The following YIPF4 variants were observed in gnomAD, a reference collection of about 807,000 sequenced individuals.
The protein encoded by YIPF4 is protein YIPF4.
YIPF4 carries 18 observed loss-of-function variants against 29.4 expected under a neutral mutation model. The observed-to-expected ratio is 0.61, with a 90% CI of 0.42 to 0.91. The LOEUF is 0.91. YIPF4 is among the 40% of genes least tolerant of loss of function. The probability of loss-of-function intolerance (pLI) is 0.00; values close to 1 mark genes in which losing one functional copy is unlikely to be tolerated. For missense variants in YIPF4, 279 were observed against 282.7 expected (o/e 0.99, Z 0.09); for synonymous variants, 115 against 104.7 (o/e 1.10, Z -0.60).
intron 5 of YIPF4, 45 bp downstream of exon 5, chr2:32,301,540 TC>T (rs1449771362): frequency 3.7e-6 from 5 of 1,348,640 alleles, no homozygotes; most frequent in Non-Finnish European, 5.3e-6. Flanking sequence ...TTTTCCAATG[TC>T]AAAAGTATAC....
At chr2:32,295,666 C>T (rs1276885394) in intron 3 of YIPF4, among the ~76,000 whole-genome samples, 1 of 152,122 alleles carries the variant, frequency 6.6e-6, no homozygotes, top group Non-Finnish European at 1.5e-5. Flanking sequence ...TGCAATGGCA[C>T]GATCTCAGCT....
chr2:32,298,770 G>A (rs919503063), intron 4 of YIPF4, among the ~76,000 whole-genome samples: 2 of 152,064 alleles, frequency 1.3e-5, no homozygotes, highest in African/African-American at 2.4e-5. Context: ...TGTTGGCCAG[G>A]CTGGTCTTGA....
intron 2 of YIPF4, 108 bp from the exon 3 acceptor site, chr2:32,292,069 C>A: frequency 1.5e-6 from 1 of 656,558 alleles, no homozygotes; most frequent in South Asian, 3.6e-5. Context: ...TTTTGTTGAC[C>A]TATGGAGATT....
chr2:32,278,454 C>T (rs573803533), intron 1 of YIPF4, among the ~76,000 whole-genome samples: 3 of 152,080 alleles, frequency 2.0e-5, no homozygotes, highest in East Asian at 1.9e-4. Context: ...ACTCGGTCAG[C>T]CCTTGGTTTT....
chr2:32,284,828 G>C (rs2030586824), intron 1 of YIPF4, among the ~76,000 whole-genome samples: 1 of 152,200 alleles, frequency 6.6e-6, no homozygotes, highest in African/African-American at 2.4e-5. Context: ...AGAGAAATGA[G>C]AGGCTTAGTG....
At position 32,307,271 on chromosome 2, in the gene YIPF4, A is replaced by G; in HGVS notation, c.*1645A>G. ...ATGGATTATAATATTTGACATTCAT[A>G]GTGTTGACCCTGGAATCTTTCACAG... On this transcript the variant is annotated 3_prime_UTR_variant, in exon 6 of 6. Coordinates refer to ENST00000238831, the MANE Select transcript of YIPF4 (RefSeq NM_032312.4). 1 of 559,110 alleles carries G rather than the reference A, an allele frequency of 1.8e-6. No homozygotes were observed. 34.6% of individuals were successfully genotyped at this position (559,110 alleles called of 1,614,324 possible).
rs867928806 is a variant in YIPF4 at position 32,278,166 on chromosome 2, C to G, written c.11C>G (p.Pro4Arg). Residue 4 changes from proline to arginine, a missense_variant, in exon 1 of 6, where the codon CCG (proline) becomes CGG (arginine). Physicochemically the swap from Pro to Arg is moderately radical, Grantham distance 103. Coordinates refer to ENST00000238831, the MANE Select transcript of YIPF4 (RefSeq NM_032312.4). ...GGGAGTCGCCGCGAGATGCAGCCTC[C>G]GGGCCCGCCCCCGGCCTATGCCCCC... MQP[P>R]GPPPAYAPTN... 20 of 1,564,650 alleles carry G rather than the reference C, an allele frequency of 1.3e-5. No homozygotes were observed. Among genetic ancestry groups the G allele is most frequent in the Non-Finnish European group, 1.4e-5 (16 of 1,155,948 alleles).
intron 1 of YIPF4, among the ~76,000 whole-genome samples, chr2:32,282,320 C>G (rs1352787942): frequency 6.6e-6 from 1 of 152,194 alleles, no homozygotes; most frequent in Non-Finnish European, 1.5e-5. Flanking sequence ...TTTCTACTGT[C>G]TCTTTCTTAC....
At chr2:32,298,924 C>T (rs922446783) in intron 4 of YIPF4, among the ~76,000 whole-genome samples, 6 of 151,824 alleles carry the variant, frequency 4.0e-5, no homozygotes, top group Admixed American at 1.3e-4. Flanking sequence ...GTCACCCAGG[C>T]TGGAGTACAG....
At chr2:32,290,729 C>A (rs1018724218) in intron 2 of YIPF4, 93 bp downstream of exon 2, 5 of 894,228 alleles carry the variant, frequency 5.6e-6, no homozygotes, top group Admixed American at 4.2e-5. Flanking sequence ...AAGCATTAAC[C>A]TTTTTTGGTC....
At chr2:32,281,071 G>A (rs906565876) in intron 1 of YIPF4, among the ~76,000 whole-genome samples, 11 of 151,990 alleles carry the variant, frequency 7.2e-5, no homozygotes, top group Admixed American at 5.9e-4. Flanking sequence ...TAAGAAACCT[G>A]AAATAAGTAA....
chr2:32,290,625 C>T lies in YIPF4; in HGVS notation c.222C>T (p.Asn74=), dbSNP rs115575403. The change falls in exon 2 of 6, where the codon AAC becomes AAT. Residue 74 remains asparagine, a synonymous_variant. Transcript: ENST00000238831. ...LEVEDDDPED[N]KPLLEELDID... is the part of the protein sequence containing the mutation. ...TTGAAGATGATGATCCTGAAGATAA[C>T]AAGCCACTCTTGTATGTAAAAATAA... The T allele has an allele frequency of 8.6e-6, 13 of 1,518,608 alleles. No individual in the cohort carries two copies. The South Asian group carries it at 1.6e-4, about 19-fold the overall frequency. The allele number at this position is 1,518,608 out of a possible 1,614,324, so 94.1% of individuals were successfully genotyped here. A position where few individuals can be genotyped will look rare whatever the true frequency, so the allele number is the denominator to read the frequency against.
At chr2:32,289,892 CAG>C (rs1344396766) in intron 1 of YIPF4, among the ~76,000 whole-genome samples, 2 of 152,214 alleles carry the variant, frequency 1.3e-5, no homozygotes, top group African/African-American at 4.8e-5. Flanking sequence ...GCTGAAATAA[CAG>C]GGGACTCTTA....
chr2:32,311,679 T>G lies in YIPF4; in HGVS notation c.*6053T>G, dbSNP rs2031718266. On this transcript the variant is annotated 3_prime_UTR_variant, in exon 6 of 6. Transcript: ENST00000238831. ...CGAAAAAAGGAAGCATTCCCACCTGTAATAATTTTGTTAACACTAGACTAT... is the reference window on the plus strand; with the variant it reads ...CGAAAAAAGGAAGCATTCCCACCTGGAATAATTTTGTTAACACTAGACTAT... 2 of 152,236 alleles carry G rather than the reference T, an allele frequency of 1.3e-5. No homozygotes were observed. The highest frequency in any genetic ancestry group is 4.8e-5 in the African/African-American group (2 of 41,468). 9.4% of individuals were successfully genotyped at this position (152,236 alleles called of 1,614,324 possible).
chr2:32,278,129 C>T lies in YIPF4; in HGVS notation c.-27C>T, dbSNP rs764705681. 40 of 1,541,978 alleles carry T rather than the reference C, an allele frequency of 2.6e-5. No individual in the cohort carries two copies. The Admixed American group carries it at 6.5e-4, about 25-fold the overall frequency. Reference sequence around the variant, plus strand: ...CTGGGCCCAGCCGCAGCCTCTTCTACCGCGGCCGGTTGGGAGTCGCCGCGA... The same window carrying T: ...CTGGGCCCAGCCGCAGCCTCTTCTATCGCGGCCGGTTGGGAGTCGCCGCGA... On this transcript the variant is annotated 5_prime_UTR_variant, in exon 1 of 6. Coordinates refer to ENST00000238831, the MANE Select transcript of YIPF4 (RefSeq NM_032312.4).
At chr2:32,291,118 GAAAT>G (rs2030894787) in intron 2 of YIPF4, among the ~76,000 whole-genome samples, 1 of 152,220 alleles carries the variant, frequency 6.6e-6, no homozygotes, top group African/African-American at 2.4e-5. Flanking sequence ...AAAAAGTAAA[GAAAT>G]AAATAATTTT....
At chr2:32,299,320 A>G (rs978793421) in intron 4 of YIPF4, among the ~76,000 whole-genome samples, 1 of 152,232 alleles carries the variant, frequency 6.6e-6, no homozygotes, top group African/African-American at 2.4e-5. Context: ...GAAGAGTAGC[A>G]TTATTTTACA....
At chr2:32,295,935 A>G (rs1489200904) in intron 3 of YIPF4, among the ~76,000 whole-genome samples, 2 of 152,160 alleles carry the variant, frequency 1.3e-5, no homozygotes, top group African/African-American at 2.4e-5. Flanking sequence ...AATTGTTACT[A>G]CATTTAGGGC....
intron 3 of YIPF4, among the ~76,000 whole-genome samples, chr2:32,293,009 C>T (rs1332342878): frequency 6.6e-6 from 1 of 151,094 alleles, no homozygotes; most frequent in African/African-American, 2.4e-5. Context: ...ATGTAATACT[C>T]ATATTCATAT....
Sources: allele counts gnomAD v4.1 joint callset (sites outside exome capture counted in the v4.1 genomes callset), GRCh38; gene constraint gnomAD v4.1.1; transcripts MANE v1.5; gene names NCBI Gene and HGNC (gene_info 2026-07-23, HGNC 2026-07-21).